The following UNC13B variants were observed in gnomAD, a reference collection of about 807,000 sequenced individuals.
The protein encoded by UNC13B is protein unc-13 homolog B.
In UNC13B, 144 loss-of-function variants were observed where a neutral mutation model predicts 211.0. The ratio of observed to expected loss-of-function variants is 0.68; its 90% CI spans 0.60 to 0.78. The LOEUF is 0.78. UNC13B is among the 30% of genes least tolerant of loss of function. The pLI is 0.00. For synonymous variants in UNC13B, 709 were observed against 725.8 expected (o/e 0.98, Z 0.37); for missense variants, 1,777 against 2,002.0 (o/e 0.89, Z 2.14).
At chr9:35,403,307 A>G (rs1836451023) in intron 38 of UNC13B, 48 bp downstream of exon 38, 2 of 1,606,274 alleles carry the variant, frequency 1.2e-6, no homozygotes, top group Admixed American at 3.3e-5. Context: ...CAGTGGCCTC[A>G]CTCATCACTC....
At chr9:35,258,742 C>G (rs916908137) in intron 6 of UNC13B, among the ~76,000 whole-genome samples, 2 of 152,184 alleles carry the variant, frequency 1.3e-5, no homozygotes, top group African/African-American at 2.4e-5. Context: ...GCCCAGGTGC[C>G]CTTGGTCAGG....
At chr9:35,341,832 C>G (rs1587657263) in intron 11 of UNC13B, 1 of 748,814 alleles carries the variant, frequency 1.3e-6, no homozygotes, top group East Asian at 1.3e-4. Flanking sequence ...AGGTTGCAGG[C>G]AGGAAGCAGC....
At position 35,398,910 on chromosome 9, in the gene UNC13B, C is replaced by T. The variant is rs1433926078; in HGVS notation, c.11950C>T (p.Arg3984Ter). ...CCAGGTACGGATTGATGAGTGTGTTCGACAAATGGCCGACATCCTGGGCCA... is the reference window on the plus strand; with the variant it reads ...CCAGGTACGGATTGATGAGTGTGTTTGACAAATGGCCGACATCCTGGGCCA... Reference protein sequence around the residue: ...SFQVRIDECVRQMADILGQVR... With the variant: ...SFQVRIDECV The change falls in exon 33 of 40, where the codon CGA (arginine) becomes TGA (stop). Residue 3984 changes from arginine (R) to a stop codon, truncating the protein, a stop_gained. Coordinates refer to ENST00000635942, the MANE Select transcript of UNC13B (RefSeq NM_001371189.2). LOFTEE classifies it high-confidence loss of function. 9 of 1,613,976 alleles carry T rather than the reference C, an allele frequency of 5.6e-6. No homozygotes were observed. The highest frequency in any genetic ancestry group is 2.7e-5 in the African/African-American group (2 of 74,984).
intron 1 of UNC13B, among the ~76,000 whole-genome samples, chr9:35,199,658 A>C: frequency 6.6e-6 from 1 of 152,144 alleles, no homozygotes; most frequent in Non-Finnish European, 1.5e-5. Flanking sequence ...GTGTCTGTTC[A>C]TATCCTTTGC....
At chr9:35,212,918 C>T (rs1049528648) in intron 1 of UNC13B, among the ~76,000 whole-genome samples, 3 of 152,188 alleles carry the variant, frequency 2.0e-5, no homozygotes, top group South Asian at 4.1e-4. Flanking sequence ...ATTACATACA[C>T]CTAGATTTTA....
At chr9:35,353,078 G>T in intron 11 of UNC13B, 1 of 1,232,194 alleles carries the variant, frequency 8.1e-7, no homozygotes, top group Non-Finnish European at 1.0e-6. Flanking sequence ...CAGAAGGCTT[G>T]CAGCTCTGAG....
At chr9:35,363,730 A>C (rs1489102472) in intron 11 of UNC13B, among the ~76,000 whole-genome samples, 1 of 152,208 alleles carries the variant, frequency 6.6e-6, no homozygotes, top group Non-Finnish European at 1.5e-5. Context: ...CTAGAAGGCA[A>C]TGTAGTCTCT....
chr9:35,168,350 T>C (rs1427095650), intron 1 of UNC13B, among the ~76,000 whole-genome samples: 3 of 152,224 alleles, frequency 2.0e-5, no homozygotes, highest in Admixed American at 1.3e-4. Context: ...GTCACCCAGG[T>C]AATCAGCATA....
At chr9:35,358,419 G>C (rs1339528876) in intron 11 of UNC13B, among the ~76,000 whole-genome samples, 3 of 152,006 alleles carry the variant, frequency 2.0e-5, no homozygotes, top group Non-Finnish European at 4.4e-5. Context: ...CCACCATCAG[G>C]GCACAAGGGT....
At chr9:35,197,250 G>A (rs550078651) in intron 1 of UNC13B, among the ~76,000 whole-genome samples, 16 of 150,984 alleles carry the variant, frequency 1.1e-4, no homozygotes, top group Non-Finnish European at 1.9e-4. Context: ...CTCTCTCACC[G>A]AGGCTGGGGG....
chr9:35,250,957 C>CTTTTTTTTT (rs35077779), intron 6 of UNC13B, among the ~76,000 whole-genome samples: 1 of 77,060 alleles, frequency 1.3e-5, no homozygotes, highest in Non-Finnish European at 2.4e-5. Flanking sequence ...GTTACTCTTC[C>CTTTTTTTTT]TTTTTTTTTT....
chr9:35,198,236 G>A (rs1823055123), intron 1 of UNC13B, among the ~76,000 whole-genome samples: 2 of 152,202 alleles, frequency 1.3e-5, no homozygotes, highest in Admixed American at 6.5e-5. Flanking sequence ...CTCATGAATA[G>A]GTCAGCACCA....
At chr9:35,285,298 C>T (rs375589135) in intron 7 of UNC13B, among the ~76,000 whole-genome samples, 38 of 152,204 alleles carry the variant, frequency 2.5e-4, no homozygotes, top group South Asian at 2.1e-3. Context: ...CTGTGTTTTT[C>T]GCAATGTAAT....
chr9:35,180,720 T>C (rs1821889602), intron 1 of UNC13B, among the ~76,000 whole-genome samples: 1 of 152,218 alleles, frequency 6.6e-6, no homozygotes, highest in Non-Finnish European at 1.5e-5. Context: ...TTTTTAAAAT[T>C]GTAGCAGTGT....
At chr9:35,333,610 T>G (rs528846491) in intron 11 of UNC13B, among the ~76,000 whole-genome samples, 2 of 152,360 alleles carry the variant, frequency 1.3e-5, no homozygotes, top group Non-Finnish European at 1.5e-5. Context: ...ATCCTTTCCT[T>G]TTAGTTTCCA....
intron 3 of UNC13B, 37 bp from the exon 4 acceptor site, chr9:35,236,432 T>G (rs773264685): frequency 3.1e-5 from 48 of 1,538,496 alleles, no homozygotes; most frequent in Non-Finnish European, 4.2e-5. Flanking sequence ...TTTCATATTG[T>G]CTAGCTTTCC....
At chr9:35,387,139 T>C (rs985534333) in intron 24 of UNC13B, among the ~76,000 whole-genome samples, 7 of 152,126 alleles carry the variant, frequency 4.6e-5, no homozygotes, top group African/African-American at 1.7e-4. Flanking sequence ...TGAAGGGCCT[T>C]GAAAAAGGGA....
intron 1 of UNC13B, among the ~76,000 whole-genome samples, chr9:35,194,052 G>A (rs1199669325): frequency 6.6e-6 from 1 of 152,142 alleles, no homozygotes; most frequent in Non-Finnish European, 1.5e-5. Context: ...AGGGCAGAGT[G>A]ACCTGGAAGT....
chr9:35,329,235 G>T (rs1437038136), intron 11 of UNC13B, among the ~76,000 whole-genome samples: 2 of 152,034 alleles, frequency 1.3e-5, no homozygotes, highest in African/African-American at 4.8e-5. Flanking sequence ...CTAACCCCAG[G>T]TATCTTAGAA....
Sources: gnomAD v4.1 joint callset for allele counts (sites outside exome capture counted in the v4.1 genomes callset) on GRCh38, gnomAD v4.1.1 for gene constraint, MANE v1.5 for transcripts, NCBI Gene and HGNC (gene_info 2026-07-23, HGNC 2026-07-21) for gene names.